MACROD1: variants seen among roughly 807,000 people sequenced by gnomAD.
MACROD1 encodes the protein ADP-ribose glycohydrolase MACROD1.
Under a neutral mutation model 41.4 loss-of-function variants are expected in MACROD1, and 31 were observed. The ratio of observed to expected loss-of-function variants is 0.75; its 90% CI spans 0.56 to 1.01. The LOEUF (loss-of-function observed/expected upper bound fraction) is 1.01. MACROD1 is among the 50% of genes least tolerant of loss of function. The probability of loss-of-function intolerance (pLI) is 0.00; values close to 1 mark genes in which losing one functional copy is unlikely to be tolerated. For missense variants in MACROD1, 473 were observed against 460.0 expected, an observed-to-expected ratio of 1.03 and a Z score of -0.26; for synonymous variants, 252 against 203.4, an observed-to-expected ratio of 1.24 and a Z score of -2.03.
intron 3 of MACROD1, among the ~76,000 whole-genome samples, chr11:64,143,427 G>A (rs1382810643): frequency 1.3e-5 from 2 of 152,104 alleles, no homozygotes; most frequent in Non-Finnish European, 2.9e-5. Context: ...GTACCAAGCG[G>A]CAGGTGACAG....
intron 3 of MACROD1, among the ~76,000 whole-genome samples, chr11:64,129,764 G>C (rs1249964779): frequency 6.6e-6 from 1 of 152,202 alleles, no homozygotes; most frequent in Non-Finnish European, 1.5e-5. Context: ...TGCAGCCTTA[G>C]GCTTCAGGAT....
Position 63,999,647 on chromosome 11 carries a change from A to G in MACROD1, c.781T>C (p.Ser261Pro), listed in dbSNP as rs1405490511. Residue 261 changes from serine to proline, a missense_variant, in exon 6 of 11, where the codon TCG becomes CCG. Ser to Pro is a moderately conservative substitution (Grantham distance 74). Coordinates refer to ENST00000255681, the MANE Select transcript of MACROD1 (RefSeq NM_014067.4). Reference sequence around the variant, plus strand: ...CCCCGCGGGCCGTCCCTCACCACCGAGCGGAGCCGGTGCTCCAGCAGCAGG... The same window carrying G: ...CCCCGCGGGCCGTCCCTCACCACCGGGCGGAGCCGGTGCTCCAGCAGCAGG... ...LDLLLEHRLR[S>P]VAFPCISTGV... The G allele has an allele frequency of 6.2e-7, 1 of 1,609,346 alleles. No individual in the cohort carries two copies. The highest frequency in any genetic ancestry group is 8.5e-7 in the Non-Finnish European group (1 of 1,178,894).
intron 3 of MACROD1, among the ~76,000 whole-genome samples, chr11:64,131,970 A>G (rs1945272814): frequency 6.6e-6 from 1 of 152,038 alleles, no homozygotes; most frequent in Non-Finnish European, 1.5e-5. Context: ...CATCTGCTAC[A>G]TGCCAGTCAT....
chr11:64,151,868 C>T (rs1192421594), intron 2 of MACROD1, among the ~76,000 whole-genome samples: 1 of 152,202 alleles, frequency 6.6e-6, no homozygotes, highest in Admixed American at 6.5e-5. Context: ...GTTGCTGACG[C>T]CTGTAATCCC....
chr11:64,133,065 C>A (rs1202135735), intron 3 of MACROD1, among the ~76,000 whole-genome samples: 1 of 152,156 alleles, frequency 6.6e-6, no homozygotes, highest in East Asian at 1.9e-4. Flanking sequence ...GAGCCCCAGC[C>A]AGAGCGCCCT....
Position 64,036,053 on chromosome 11 carries a change from G to A in MACROD1, c.518-20772C>T, listed in dbSNP as rs1316415894. ...GGGGCTCCTCTCCCGGGCCCCCCTG[G>A]GCGCCCTCCGGCTCTGGTTCCCGCC... On this transcript the variant is annotated intron_variant, in intron 3 of 10. Coordinates refer to ENST00000255681, the MANE Select transcript of MACROD1 (RefSeq NM_014067.4). The surrounding 1 kb of genome is among the most constrained non-coding windows in gnomAD (Gnocchi z 5.6). 6.6e-6 allele frequency: 1 copy of A among 151,400 alleles called. No homozygotes were observed. Among genetic ancestry groups the A allele is most frequent in the African/African-American group, 2.4e-5 (1 of 41,246 alleles). 9.4% of individuals were successfully genotyped at this position (151,400 alleles called of 1,614,324 possible).
intron 3 of MACROD1, among the ~76,000 whole-genome samples, chr11:64,018,100 C>G (rs1381266073): frequency 6.6e-6 from 1 of 152,186 alleles, no homozygotes; most frequent in Non-Finnish European, 1.5e-5. Context: ...CTGGGTGGAG[C>G]TGGGGGAGGC....
intron 2 of MACROD1, among the ~76,000 whole-genome samples, chr11:64,151,837 T>C (rs1368421572): frequency 2.0e-5 from 3 of 152,090 alleles, no homozygotes; most frequent in Non-Finnish European, 2.9e-5. Flanking sequence ...TGTTAATAAT[T>C]GAATGAGATG....
At chr11:64,105,085 C>T (rs1269134846) in intron 3 of MACROD1, among the ~76,000 whole-genome samples, 16 of 152,246 alleles carry the variant, frequency 1.1e-4, no homozygotes, top group Non-Finnish European at 2.2e-4. Flanking sequence ...ATGCCATCTG[C>T]GGGGGCATTA....
intron 3 of MACROD1, among the ~76,000 whole-genome samples, chr11:64,065,417 G>A (rs992788294): frequency 6.6e-6 from 1 of 152,128 alleles, no homozygotes; most frequent in South Asian, 2.1e-4. Context: ...CACTACCTCC[G>A]CTCCAAAACA....
At chr11:64,019,762 G>A (rs12274106) in intron 3 of MACROD1, among the ~76,000 whole-genome samples, 3 of 152,170 alleles carry the variant, frequency 2.0e-5, no homozygotes, top group Non-Finnish European at 2.9e-5. Context: ...GAGCTGCCCC[G>A]GGCGTGCTAA....
chr11:64,044,348 C>T (rs1294904730), intron 3 of MACROD1, among the ~76,000 whole-genome samples: 2 of 150,750 alleles, frequency 1.3e-5, no homozygotes, highest in East Asian at 3.9e-4. Flanking sequence ...AACTTTTGGG[C>T]TCAAGTGATC....
Position 64,067,632 on chromosome 11 carries a change from G to A in MACROD1, c.518-52351C>T, listed in dbSNP as rs1191637186. On this transcript the variant is annotated intron_variant, in intron 3 of 10. Transcript: ENST00000255681. This position sits in a 1 kb window ranked among gnomAD's most constrained non-coding sequence, Gnocchi z 4.6. ...ACGCACCAACATGCCCGTGGCCTCC[G>A]GTGCACACACAGGGTCCCCAAGCAG... is the stretch of plus-strand genomic sequence containing the variant. 2.0e-5 allele frequency among the ~76,000 whole-genome samples: 3 copies of A among 152,136 alleles called. No homozygotes were observed. The highest frequency in any genetic ancestry group is 1.9e-4 in the East Asian group (1 of 5,168).
chr11:64,014,063 C>T (rs2134339716), intron 4 of MACROD1, among the ~76,000 whole-genome samples: 1 of 152,286 alleles, frequency 6.6e-6, no homozygotes, highest in South Asian at 2.1e-4. Context: ...GGACAGGGAC[C>T]AGGCCCATCT....
Position 64,077,619 on chromosome 11 carries a change from C to T in MACROD1, c.518-62338G>A, listed in dbSNP as rs549942618. Among the ~76,000 whole-genome samples the T allele has an allele frequency of 3.3e-4, 51 of 152,248 alleles. 1 individual carries two copies. In the South Asian group the frequency reaches 4.2e-3, roughly 12 times the overall value. Reference sequence around the variant, plus strand: ...CTAGACACAGACTGACGGGCACACACGAACAGAACTCATAGATGGACGCTC... The same window carrying T: ...CTAGACACAGACTGACGGGCACACATGAACAGAACTCATAGATGGACGCTC... On this transcript the variant is annotated intron_variant, in intron 3 of 10. Coordinates refer to ENST00000255681, the MANE Select transcript of MACROD1 (RefSeq NM_014067.4).
chr11:64,165,789 A>ACCGCCGCCG lies in MACROD1; in HGVS notation c.197_205dup (p.Ala66_Ala68dup). ...AGTGCGCACCCCGGCTGTCCGCCCC[A>ACCGCCGCCG]CCGCCGCCGCCCCCCACGCCCCAAC... On this transcript the variant is annotated inframe_insertion, in exon 1 of 11. Coordinates refer to ENST00000255681, the MANE Select transcript of MACROD1 (RefSeq NM_014067.4). The ACCGCCGCCG allele has an allele frequency of 1.0e-5, 15 of 1,481,366 alleles. No individual in the cohort carries two copies. The highest frequency in any genetic ancestry group is 1.3e-5 in the Non-Finnish European group (15 of 1,119,786). The allele number at this position is 1,481,366 out of a possible 1,614,324, so 91.8% of individuals were successfully genotyped here.
chr11:64,152,420 G>A, intron 1 of MACROD1, 27 bp from the exon 2 acceptor site: 1 of 1,587,118 alleles, frequency 6.3e-7, no homozygotes, highest in Non-Finnish European at 8.7e-7. Context: ...GAGGATCAGG[G>A]TGGGGGCAGA....
rs1179063313 is a variant in MACROD1 at position 64,082,594 on chromosome 11, C to G, written c.518-67313G>C. Among the ~76,000 whole-genome samples, 1 of 152,022 alleles carries G rather than the reference C, an allele frequency of 6.6e-6. No individual in the cohort carries two copies. Among genetic ancestry groups the G allele is most frequent in the Non-Finnish European group, 1.5e-5 (1 of 67,982 alleles). On this transcript the variant is annotated intron_variant, in intron 3 of 10. Transcript: ENST00000255681. The surrounding 1 kb of genome is among the most constrained non-coding windows in gnomAD (Gnocchi z 4.5). ...TCAGATTCAGGTGAAGCTTAGGGGT[C>G]CCTGGGCTGAAGACGGAACCTCTGA...
At chr11:64,051,048 G>A (rs1943684250) in intron 3 of MACROD1, among the ~76,000 whole-genome samples, 1 of 152,240 alleles carries the variant, frequency 6.6e-6, no homozygotes, top group Non-Finnish European at 1.5e-5. Context: ...TCCAAGGATT[G>A]AGGCTCAAGT....
Sources: gnomAD v4.1 joint callset for allele counts (sites outside exome capture counted in the v4.1 genomes callset) on GRCh38, gnomAD v4.1.1 for gene constraint, Gnocchi (gnomAD v3.1) non-coding constraint, MANE v1.5 for transcripts, NCBI Gene and HGNC (gene_info 2026-07-23, HGNC 2026-07-21) for gene names.